Variants in ECM2 observed in about 807,000 individuals in gnomAD.
ECM2 encodes the protein extracellular matrix protein 2.
In ECM2, 57 loss-of-function variants were observed where a neutral mutation model predicts 67.5. The ratio of observed to expected loss-of-function variants is 0.84; its 90% CI spans 0.68 to 1.05. The LOEUF (loss-of-function observed/expected upper bound fraction) is 1.05. ECM2 is among the 50% of genes least tolerant of loss of function. The pLI, the probability that ECM2 is intolerant of heterozygous loss-of-function variation, is 0.00. For synonymous variants in ECM2, 258 were observed against 294.5 expected (o/e 0.88, Z 1.27); for missense variants, 741 against 822.8 (o/e 0.90, Z 1.22).
the ECM2 span, among the ~76,000 whole-genome samples, chr9:92,551,279 G>C: frequency 6.6e-6 from 1 of 152,112 alleles, no homozygotes. Flanking sequence ...CTGTTATATA[G>C]TAAGGAGTTA....
the ECM2 span, among the ~76,000 whole-genome samples, chr9:92,548,200 C>G: frequency 1.4e-5 from 2 of 146,480 alleles, no homozygotes; most frequent in African/African-American, 5.4e-5. Context: ...ATCCACCATG[C>G]TGATGGTTCT....
In ECM2 at chr9:92,516,064, CTTTTT is replaced by C. The variant is rs869200958; in HGVS notation, c.482-866_482-862del. ...GGAAGAACTGATTTCACAGTGCATA[CTTTTT>C]TTTCCCCCCCCCGAGACGGAGTCTT... On this transcript the variant is annotated intron_variant, in intron 3 of 9. Coordinates refer to ENST00000344604, the MANE Select transcript of ECM2 (RefSeq NM_001393.4). Among the ~76,000 whole-genome samples, 102 of 148,440 alleles carry C rather than the reference CTTTTT, an allele frequency of 6.9e-4. 2 individuals are homozygous for C. The Middle Eastern group carries it at 0.011, about 16-fold the overall frequency.
chr9:92,547,267 T>C, the ECM2 span, among the ~76,000 whole-genome samples: 4 of 152,204 alleles, frequency 2.6e-5, no homozygotes, highest in Admixed American at 6.5e-5. Flanking sequence ...TGACAGATTA[T>C]CTACAAGAAA....
At chr9:92,499,219 C>G (rs571494544) in intron 9 of ECM2, among the ~76,000 whole-genome samples, 2 of 152,294 alleles carry the variant, frequency 1.3e-5, no homozygotes, top group Admixed American at 1.3e-4. Flanking sequence ...TATATTGATT[C>G]ACCAGAAAAA....
At chr9:92,544,745 C>T in the ECM2 span, among the ~76,000 whole-genome samples, 51 of 121,214 alleles carry the variant, frequency 4.2e-4, no homozygotes, top group South Asian at 9.2e-3. Flanking sequence ...GTTGGAGTTT[C>T]GCTGTTGTTG....
intron 4 of ECM2, among the ~76,000 whole-genome samples, chr9:92,512,621 G>A (rs1384830367): frequency 2.0e-5 from 3 of 152,208 alleles, no homozygotes; most frequent in Admixed American, 2.0e-4. Context: ...TCATCTCCCA[G>A]ACTCTCTCAG....
the ECM2 span, among the ~76,000 whole-genome samples, chr9:92,544,017 T>G: frequency 6.6e-6 from 1 of 152,196 alleles, no homozygotes; most frequent in Non-Finnish European, 1.5e-5. Flanking sequence ...ATTTTAGATA[T>G]TTTTTATTTC....
In ECM2 at chr9:92,509,887, A is replaced by G; in HGVS notation, c.1306+12T>C. The G allele has an allele frequency of 6.3e-7, 1 of 1,595,542 alleles. No homozygotes were observed. The highest frequency in any genetic ancestry group is 8.5e-7 in the Non-Finnish European group (1 of 1,175,856). ...TAAGGAAGCATATCATTGAAAAACA[A>G]ATATTAAATACCTGATAAACTTTCT... is the stretch of plus-strand genomic sequence containing the variant. On this transcript the variant is annotated intron_variant, in intron 6 of 9. Transcript: ENST00000344604.
chr9:92,514,813 T>C lies in ECM2; in HGVS notation c.872A>G (p.Asp291Gly). The change falls in exon 4 of 10, where the codon GAC becomes GGC. Residue 291 changes from aspartate to glycine, a missense_variant. By Grantham distance (94) the Asp-to-Gly change is moderately conservative (BLOSUM62 -1). Transcript: ENST00000344604. ...EGEEDEEDEEDPVRGDMFRMP... is the reference protein window; with the variant it reads ...EGEEDEEDEEGPVRGDMFRMP... ...TCGGAACATATCTCCTCTTACCGGG[T>C]CCTCCTCGTCCTCCTCATCCTCCTC... is the stretch of plus-strand genomic sequence containing the variant. 6.2e-7 allele frequency: 1 copy of C among 1,612,928 alleles called. No homozygotes were observed. The highest frequency in any genetic ancestry group is 8.5e-7 in the Non-Finnish European group (1 of 1,179,534).
intron 2 of ECM2, among the ~76,000 whole-genome samples, chr9:92,518,848 C>T (rs370626561): frequency 7.9e-5 from 12 of 152,316 alleles, no homozygotes; most frequent in African/African-American, 2.9e-4. Context: ...AAGATCGTTC[C>T]ACTGTACTCC....
upstream of ECM2, among the ~76,000 whole-genome samples, chr9:92,537,574 C>A (rs538458026): frequency 6.6e-6 from 1 of 152,024 alleles, no homozygotes; most frequent in Non-Finnish European, 1.5e-5. Context: ...GTAGGAGAAT[C>A]ACTTGAACCT....
intron 5 of ECM2, 147 bp downstream of exon 5, chr9:92,511,864 T>C (rs185079936): frequency 1.8e-4 from 97 of 544,460 alleles, no homozygotes; most frequent in African/African-American, 1.6e-3. Context: ...AAACTTGAAT[T>C]CAAATTAGGG....
chr9:92,535,360 C>T (rs1205175732), intron 1 of ECM2, among the ~76,000 whole-genome samples: 1 of 152,066 alleles, frequency 6.6e-6, no homozygotes, highest in East Asian at 1.9e-4. Context: ...GAGTGTTTGC[C>T]TCCTAGAGGT....
chr9:92,494,242 T>C (rs1846253976), downstream of ECM2: 25 of 1,284,342 alleles, frequency 1.9e-5, no homozygotes, highest in Non-Finnish European at 2.6e-5. Context: ...ACTCACCTTA[T>C]TCAGTTTGAG....
upstream of ECM2, among the ~76,000 whole-genome samples, chr9:92,537,751 A>G (rs981348695): frequency 2.0e-5 from 3 of 152,250 alleles, no homozygotes; most frequent in Middle Eastern, 6.3e-3. Context: ...GTCAGTGGTC[A>G]ATAAAACAGA....
chr9:92,535,295 T>G (rs1849100142), intron 1 of ECM2, among the ~76,000 whole-genome samples: 1 of 152,218 alleles, frequency 6.6e-6, no homozygotes, highest in Non-Finnish European at 1.5e-5. Context: ...TTTTCATTGA[T>G]ATACAGAATT....
At chr9:92,499,397 A>G (rs1033434903) in intron 9 of ECM2, among the ~76,000 whole-genome samples, 7 of 152,222 alleles carry the variant, frequency 4.6e-5, no homozygotes, top group African/African-American at 1.7e-4. Context: ...GCTAATGAGC[A>G]TGAGAAGCAT....
chr9:92,505,694 TA>T lies in ECM2; in HGVS notation c.1307-5del. ...AAGGTGACCAACTGATTTAAGTCTA[TA>T]AAAAATAAAAGTATTAGAATATTAG... On this transcript the variant is annotated splice_region_variant and splice_polypyrimidine_tract_variant and intron_variant, in intron 6 of 9. Coordinates refer to ENST00000344604, the MANE Select transcript of ECM2 (RefSeq NM_001393.4). The T allele has an allele frequency of 1.9e-6, 3 of 1,559,200 alleles. No homozygotes were observed.
chr9:92,552,210 C>T, the ECM2 span, among the ~76,000 whole-genome samples: 10 of 150,598 alleles, frequency 6.6e-5, 1 homozygote, highest in African/African-American at 2.5e-4. Context: ...CACACACACA[C>T]ACACACCCCA....
Sources: allele counts gnomAD v4.1 joint callset (sites outside exome capture counted in the v4.1 genomes callset), GRCh38; gene constraint gnomAD v4.1.1; transcripts MANE v1.5; gene names NCBI Gene and HGNC (gene_info 2026-07-23, HGNC 2026-07-21).